The following CLVS1 variants were observed in gnomAD, a reference collection of about 807,000 sequenced individuals.
CLVS1 encodes the protein clavesin 1.
CLVS1 carries 10 observed loss-of-function variants against 33.1 expected under a neutral mutation model. The observed-to-expected ratio is 0.30, with a 90% CI of 0.19 to 0.51. The LOEUF (loss-of-function observed/expected upper bound fraction) is 0.51, where lower values mean the gene tolerates loss of function less well. Ranked by LOEUF, CLVS1 falls within the 20% of genes least tolerant of loss-of-function variation. The pLI is 0.97. For missense variants in CLVS1, 343 were observed against 433.4 expected, an observed-to-expected ratio of 0.79 and a Z score of 1.85; for synonymous variants, 163 against 166.1, an observed-to-expected ratio of 0.98 and a Z score of 0.14.
chr8:61,323,179 G>A (rs1175174666), intron 2 of CLVS1, among the ~76,000 whole-genome samples: 1 of 152,110 alleles, frequency 6.6e-6, no homozygotes, highest in Non-Finnish European at 1.5e-5. Context: ...TGTCATTTAA[G>A]TACTGAGCTC....
chr8:61,496,812 A>C (rs1382906565), intron 5 of CLVS1, among the ~76,000 whole-genome samples: 1 of 152,184 alleles, frequency 6.6e-6, no homozygotes. Context: ...AGGTGGAAGG[A>C]ACACTCGATG....
chr8:61,484,816 C>G (rs1803810985), intron 5 of CLVS1, among the ~76,000 whole-genome samples: 1 of 152,186 alleles, frequency 6.6e-6, no homozygotes, highest in Non-Finnish European at 1.5e-5. Context: ...TGATCTTTGA[C>G]AAACCTGACA....
At chr8:61,389,119 T>A (rs1814200271) in intron 3 of CLVS1, among the ~76,000 whole-genome samples, 1 of 152,206 alleles carries the variant, frequency 6.6e-6, no homozygotes, top group Non-Finnish European at 1.5e-5. Context: ...TTAGAGACTG[T>A]TTATTCTAAT....
At chr8:61,008,641 CT>C in the CLVS1 span, among the ~76,000 whole-genome samples, 1 of 151,898 alleles carries the variant, frequency 6.6e-6, no homozygotes, top group African/African-American at 2.4e-5. Flanking sequence ...CGGGCATTCA[CT>C]TTTAAGAGGA....
intron 2 of CLVS1, among the ~76,000 whole-genome samples, chr8:61,314,226 A>T (rs1344556479): frequency 6.7e-6 from 1 of 148,590 alleles, no homozygotes; most frequent in Non-Finnish European, 1.5e-5. Context: ...ATTCTGGTGA[A>T]TCTCATGATT....
At chr8:61,441,065 C>T (rs1244492500) in intron 3 of CLVS1, among the ~76,000 whole-genome samples, 1 of 152,132 alleles carries the variant, frequency 6.6e-6, no homozygotes, top group East Asian at 1.9e-4. Context: ...TAAGAGAAAC[C>T]CATCACCATA....
chr8:61,174,812 T>C (rs1807081445), intron 2 of CLVS1, among the ~76,000 whole-genome samples: 1 of 152,164 alleles, frequency 6.6e-6, no homozygotes, highest in Non-Finnish European at 1.5e-5. Flanking sequence ...AAATGCAAAA[T>C]GACATGGTGA....
At chr8:61,256,271 T>G (rs1435879405) in intron 2 of CLVS1, among the ~76,000 whole-genome samples, 1 of 152,186 alleles carries the variant, frequency 6.6e-6, no homozygotes, top group South Asian at 2.1e-4. Context: ...TCCCAGCACC[T>G]TGGGAGGCCG....
At chr8:61,164,290 A>G (rs1001643087) in intron 2 of CLVS1, among the ~76,000 whole-genome samples, 2 of 152,154 alleles carry the variant, frequency 1.3e-5, no homozygotes, top group African/African-American at 4.8e-5. Flanking sequence ...GTTATTAAGA[A>G]ATTATTTTAG....
intron 2 of CLVS1, among the ~76,000 whole-genome samples, chr8:61,333,168 C>T (rs1811664592): frequency 6.6e-6 from 1 of 152,088 alleles, no homozygotes; most frequent in African/African-American, 2.4e-5. Context: ...GAAGCAAAAA[C>T]GTTCAAAAAT....
At chr8:60,985,185 G>T in the CLVS1 span, among the ~76,000 whole-genome samples, 1 of 152,130 alleles carries the variant, frequency 6.6e-6, no homozygotes, top group Non-Finnish European at 1.5e-5. Flanking sequence ...ATTCTGTCAC[G>T]GGAGGAAATC....
chr8:61,021,454 G>A, the CLVS1 span, among the ~76,000 whole-genome samples: 4 of 151,960 alleles, frequency 2.6e-5, no homozygotes, highest in Admixed American at 2.0e-4. Flanking sequence ...GGGTTCAAGC[G>A]ATTCCCTTGC....
intron 3 of CLVS1, among the ~76,000 whole-genome samples, chr8:61,447,822 T>G (rs954867058): frequency 6.6e-6 from 1 of 152,268 alleles, no homozygotes; most frequent in East Asian, 1.9e-4. Flanking sequence ...GTTTTCTTAC[T>G]GTATTCTTCC....
At chr8:61,142,561 C>T (rs1806327392) in intron 2 of CLVS1, among the ~76,000 whole-genome samples, 1 of 152,214 alleles carries the variant, frequency 6.6e-6, no homozygotes, top group African/African-American at 2.4e-5. Flanking sequence ...CTCTTGCCAT[C>T]ACAGATAAAG....
intron 2 of CLVS1, among the ~76,000 whole-genome samples, chr8:61,186,736 G>C (rs934302317): frequency 2.0e-5 from 3 of 152,192 alleles, no homozygotes; most frequent in African/African-American, 7.2e-5. Flanking sequence ...AGTTACAACA[G>C]ATGCCTTAAA....
the CLVS1 span, among the ~76,000 whole-genome samples, chr8:60,969,871 A>T: frequency 1.4e-4 from 22 of 152,350 alleles, no homozygotes; most frequent in South Asian, 4.6e-3. Context: ...ATTAGATATT[A>T]TAAGTAATCT....
chr8:61,248,289 T>C (rs558539035), intron 2 of CLVS1, among the ~76,000 whole-genome samples: 1 of 152,298 alleles, frequency 6.6e-6, no homozygotes, highest in South Asian at 2.1e-4. Context: ...TGGTTCCATA[T>C]AAATTTTAAA....
chr8:61,027,556 C>T, the CLVS1 span, among the ~76,000 whole-genome samples: 5 of 151,916 alleles, frequency 3.3e-5, no homozygotes, highest in African/African-American at 1.2e-4. Flanking sequence ...ATGGCCTGAC[C>T]CATTTAAAAA....
chr8:61,358,209 A>G (rs969284438), intron 2 of CLVS1, among the ~76,000 whole-genome samples: 3 of 152,236 alleles, frequency 2.0e-5, no homozygotes, highest in Non-Finnish European at 4.4e-5. Context: ...AGGAAAGAAG[A>G]TAAAGTACTG....
Sources: allele counts gnomAD v4.1 joint callset (sites outside exome capture counted in the v4.1 genomes callset), GRCh38; gene constraint gnomAD v4.1.1; transcripts MANE v1.5; gene names NCBI Gene and HGNC (gene_info 2026-07-23, HGNC 2026-07-21).